Variants in CDH16 observed in about 807,000 individuals in gnomAD.
CDH16 encodes the protein cadherin 16, also known as cadherin-16.
In CDH16, 79 loss-of-function variants were observed where a neutral mutation model predicts 87.6. That is an observed-to-expected ratio of 0.90 (90% CI 0.75 to 1.09). The LOEUF (loss-of-function observed/expected upper bound fraction) is 1.09. Among genes scored for constraint, CDH16 ranks in the 50% least tolerant of loss-of-function variants. CDH16 has a pLI of 0.00. For missense variants in CDH16, 1,124 were observed against 1,071.7 expected, an observed-to-expected ratio of 1.05 and a Z score of -0.68; for synonymous variants, 457 against 439.5, an observed-to-expected ratio of 1.04 and a Z score of -0.50.
chr16:66,915,826 G>A (rs1962653516), intron 5 of CDH16, among the ~76,000 whole-genome samples: 1 of 152,232 alleles, frequency 6.6e-6, no homozygotes, highest in African/African-American at 2.4e-5. Flanking sequence ...AACCTAGGAG[G>A]TGGAGGTTGC....
chr16:66,910,088 G>A lies in CDH16; in HGVS notation c.2173C>T (p.His725Tyr). 1 of 1,610,592 alleles carries A rather than the reference G, an allele frequency of 6.2e-7. No individual in the cohort carries two copies. The change falls in exon 16 of 18, where the codon CAT (histidine) becomes TAT (tyrosine). Residue 725 changes from histidine to tyrosine, a missense_variant. His to Tyr is a moderately conservative substitution (Grantham distance 83). Transcript: ENST00000299752. ...DWRLQTLNGS[H>Y]AYLTLALHWV... The stretch of plus-strand genomic sequence containing the variant: ...TGCAGGGCCAAGGTGAGGTAGGCAT[G>A]GGAACCTTTTGGGACAGCAGGCAAA...
In CDH16 at chr16:66,911,978, C is replaced by T; in HGVS notation, c.1711G>A (p.Ala571Thr). Residue 571 changes from alanine (A) to threonine (T), a missense_variant, in exon 13 of 18, where the codon GCC becomes ACC. Coordinates refer to ENST00000299752, the MANE Select transcript of CDH16 (RefSeq NM_004062.4). ...PPKLDQESYEASVPISAPAGS... is the reference protein window; with the variant it reads ...PPKLDQESYETSVPISAPAGS... ...GCTGGGGCACTGATGGGGACACTGG[C>T]CTCGTAGCTCTCCTGGTCCAACTTG... 1 of 1,614,092 alleles carries T rather than the reference C, an allele frequency of 6.2e-7. No homozygotes were observed. Among genetic ancestry groups the T allele is most frequent in the Non-Finnish European group, 8.5e-7 (1 of 1,179,976 alleles).
rs768920928 is a variant in CDH16, at chr16:66,912,855, T to C, written c.1091A>G (p.Asp364Gly). The stretch of plus-strand genomic sequence containing the variant: ...GTGGGAATTGGGGGAGCCGGGGGCA[T>C]CTGCATCCTCTGCTGACAGTCTAGT... ...EVTRLSAEDADAPGSPNSHVV... is the reference protein window; with the variant it reads ...EVTRLSAEDAGAPGSPNSHVV... Residue 364 changes from aspartate to glycine, a missense_variant, in exon 10 of 18, where the codon GAT becomes GGT. Asp to Gly is a moderately conservative substitution (Grantham distance 94). Transcript: ENST00000299752. The C allele has an allele frequency of 2.5e-6, 4 of 1,612,926 alleles. No individual in the cohort carries two copies. The highest frequency in any genetic ancestry group is 1.1e-5 in the South Asian group (1 of 91,082).
At position 66,912,082 on chromosome 16, in the gene CDH16, G is replaced by A. The variant is rs144256538; in HGVS notation, c.1607C>T (p.Ala536Val). The A allele has an allele frequency of 1.4e-5, 22 of 1,613,814 alleles. No individual in the cohort carries two copies. Among genetic ancestry groups the A allele is most frequent in the African/African-American group, 2.7e-5 (2 of 74,900 alleles). Residue 536 changes from alanine to valine, a missense_variant, in exon 13 of 18, where the codon GCG becomes GTG. Ala to Val is a moderately conservative substitution (Grantham distance 64, BLOSUM62 0). Coordinates refer to ENST00000299752, the MANE Select transcript of CDH16 (RefSeq NM_004062.4). ...HEVVVVVQSV[A>V]KLVGPGPGPG... ...GCCTGGGCCTGGCCCCACCAGCTTC[G>A]CCACACTCTGCACCACCACCACCAC...
rs1249561587 is a variant in CDH16 at position 66,911,944 on chromosome 16, A to C, written c.1745T>G (p.Phe582Cys). ...GTCGGAGGGCTGGATGGTCAGCAGG[A>C]AAGAGCCGGCTGGGGCACTGATGGG... ...SVPISAPAGS[F>C]LLTIQPSDPI... The change falls in exon 13 of 18, where the codon TTC becomes TGC. Residue 582 changes from phenylalanine to cysteine, a missense_variant. Coordinates refer to ENST00000299752, the MANE Select transcript of CDH16 (RefSeq NM_004062.4). 1 of 1,612,488 alleles carries C rather than the reference A, an allele frequency of 6.2e-7. No individual in the cohort carries two copies. Among genetic ancestry groups the C allele is most frequent in the Non-Finnish European group, 8.5e-7 (1 of 1,178,864 alleles).
In CDH16 at chr16:66,916,425, G is replaced by A. The variant is rs750685828; in HGVS notation, c.134C>T (p.Pro45Leu). 2.8e-5 allele frequency: 45 copies of A among 1,596,958 alleles called. No homozygotes were observed. The highest frequency in any genetic ancestry group is 1.7e-4 in the Middle Eastern group (1 of 5,950). The change falls in exon 4 of 18, where the codon CCG becomes CTG. Residue 45 changes from proline (P) to leucine (L), a missense_variant. Physicochemically the swap from Pro to Leu is moderately conservative, Grantham distance 98 (BLOSUM62 -3). Coordinates refer to ENST00000299752, the MANE Select transcript of CDH16 (RefSeq NM_004062.4). This position sits in a 1 kb window ranked among gnomAD's most constrained non-coding sequence, Gnocchi z 4.1. ...GNFPLYLTKLPLPREGAEGQI... is the reference protein window; with the variant it reads ...GNFPLYLTKLLLPREGAEGQI... ...GCCTTCAGCCCCCTCACGGGGCAGC[G>A]GCAACTGATGGAAATGAACAGAAGT...
intron 11 of CDH16, 29 bp from the exon 12 acceptor site, chr16:66,912,459 C>T (rs745728436): frequency 1.2e-6 from 2 of 1,614,100 alleles, no homozygotes; most frequent in Admixed American, 3.3e-5. Context: ...TGGTGAGCCC[C>T]CCACCAGCAT....
Position 66,912,815 on chromosome 16 carries a change from G to A in CDH16, c.1131C>T (p.Leu377=), listed in dbSNP as rs76542431. The A allele has an allele frequency of 9.4e-4, 1,521 of 1,613,706 alleles. 19 individuals are homozygous for A. The African/African-American group carries it at 0.018, about 19-fold the overall frequency. Residue 377 remains leucine, a synonymous_variant, in exon 10 of 18, where the codon CTC becomes CTT. Transcript: ENST00000299752. ...CCCCATCCTCAGGCTCAGGGCTCAG[G>A]AGCTGATACACAACGTGGGAATTGG... ...GSPNSHVVYQ[L]LSPEPEDGVE... is the part of the protein sequence containing the mutation.
In CDH16 at chr16:66,912,688, T is replaced by C. The variant is rs202247581; in HGVS notation, c.1258A>G (p.Met420Val). 391 of 1,614,016 alleles carry C rather than the reference T, an allele frequency of 2.4e-4. 1 individual carries two copies. The highest frequency in any genetic ancestry group is 6.6e-4 in the Middle Eastern group (4 of 6,060). Reference sequence around the variant, plus strand: ...CCACCCTCTGCGCCTGCCAGGTCCATGGCCAGCACCAGAAGCAGGATGTTC... The same window carrying C: ...CCACCCTCTGCGCCTGCCAGGTCCACGGCCAGCACCAGAAGCAGGATGTTC... ...GQNILLLVLA[M>V]DLAGAEGGFS... Residue 420 changes from methionine to valine, a missense_variant, in exon 10 of 18, where the codon ATG becomes GTG. Met to Val is a conservative substitution (Grantham distance 21). Transcript: ENST00000299752.
At position 66,909,501 on chromosome 16, in the gene CDH16, A is replaced by G. The variant is rs1962314158; in HGVS notation, c.2276-118T>C. ...TGTTTCTGCACATGTGTGTATTCAC[A>G]TGTGTGTGAAGATATATGCGCTAGC... On this transcript the variant is annotated intron_variant, in intron 16 of 17. Transcript: ENST00000299752. The surrounding 1 kb of genome is among the most constrained non-coding windows in gnomAD (Gnocchi z 4.1). 1.4e-6 allele frequency: 1 copy of G among 699,508 alleles called. No individual in the cohort carries two copies. Among genetic ancestry groups the G allele is most frequent in the African/African-American group, 1.7e-5 (1 of 57,364 alleles). 43.3% of individuals were successfully genotyped at this position (699,508 alleles called of 1,614,324 possible).
chr16:66,914,162 G>A, intron 7 of CDH16, 54 bp downstream of exon 7: 4 of 1,480,004 alleles, frequency 2.7e-6, no homozygotes, highest in Non-Finnish European at 3.7e-6. Context: ...TGAGACTCGG[G>A]CCTGGCTGCA....
Position 66,913,200 on chromosome 16 carries a change from C to G in CDH16, c.985G>C (p.Glu329Gln). Reference protein sequence around the residue: ...PLELHVLVMDENDNVPICPPR... With the variant: ...PLELHVLVMDQNDNVPICPPR... ...GGGCAGATAGGCACGTTGTCATTCT[C>G]ATCCATCACCAGCACGTGCAGCTCC... is the stretch of plus-strand genomic sequence containing the variant. The change falls in exon 9 of 18, where the codon GAG becomes CAG. Residue 329 changes from glutamate (E) to glutamine (Q), a missense_variant. Transcript: ENST00000299752. 6.2e-7 allele frequency: 1 copy of G among 1,601,508 alleles called. No individual in the cohort carries two copies. Among genetic ancestry groups the G allele is most frequent in the Non-Finnish European group, 8.5e-7 (1 of 1,174,258 alleles).
Position 66,918,033 on chromosome 16 carries a change from G to C in CDH16, c.33C>G (p.Val11=). 6.3e-7 allele frequency: 1 copy of C among 1,583,838 alleles called. No homozygotes were observed. Among genetic ancestry groups the C allele is most frequent in the South Asian group, 1.2e-5 (1 of 86,274 alleles). ...GGGCCTAGCTCACCTGGGGGACGGA[G>C]ACACAAAGCAGCCACAGCCAGGCAG... is the stretch of plus-strand genomic sequence containing the variant. The part of the protein sequence containing the change: MVPAWLWLLC[V]SVPQALPKAQ... The change falls in exon 2 of 18, where the codon GTC becomes GTG. Residue 11 remains valine, a synonymous_variant. Transcript: ENST00000299752.
chr16:66,916,967 TC>T lies in CDH16; in HGVS notation c.130-539del, dbSNP rs1356996316. Among the ~76,000 whole-genome samples, 2 of 152,090 alleles carry T rather than the reference TC, an allele frequency of 1.3e-5. No homozygotes were observed. Among genetic ancestry groups the T allele is most frequent in the Non-Finnish European group, 2.9e-5 (2 of 68,016 alleles). On this transcript the variant is annotated intron_variant, in intron 3 of 17. Coordinates refer to ENST00000299752, the MANE Select transcript of CDH16 (RefSeq NM_004062.4). This position sits in a 1 kb window ranked among gnomAD's most constrained non-coding sequence, Gnocchi z 4.1. Reference sequence around the variant, plus strand: ...GCCACTCAAGGATTCTGTCGGAATTTCACCTCTGTACTGTCAGCTCCTTCTG... The same window carrying T: ...GCCACTCAAGGATTCTGTCGGAATTTACCTCTGTACTGTCAGCTCCTTCTG...
chr16:66,913,736 G>A, intron 7 of CDH16, 123 bp from the exon 8 acceptor site: 1 of 1,310,088 alleles, frequency 7.6e-7, no homozygotes, highest in East Asian at 2.4e-5. Context: ...TGCCCTCCCT[G>A]GGCCTGGAGT....
chr16:66,913,018 G>GTA (rs1056750212), intron 9 of CDH16, 113 bp downstream of exon 9: 1 of 1,311,656 alleles, frequency 7.6e-7, no homozygotes, highest in African/African-American at 1.5e-5. Context: ...GTGTGTGTGT[G>GTA]TGTGTTATGG....
rs140519561 is a variant in CDH16, at chr16:66,912,365, A to G, written c.1425T>C (p.Ile475=). 843 of 1,614,176 alleles carry G rather than the reference A, an allele frequency of 5.2e-4. 6 individuals carry two copies. In the African/African-American group the frequency reaches 0.01, roughly 19 times the overall value. Reference sequence around the variant, plus strand: ...GGAAGGCGGGCTCGAGGTCAGCATCAATGGCTGTTAGCATGGCCACCAGAG... The same window carrying G: ...GGAAGGCGGGCTCGAGGTCAGCATCGATGGCTGTTAGCATGGCCACCAGAG... ...PGTLVAMLTA[I]DADLEPAFRL... Residue 475 remains isoleucine (I), a synonymous_variant, in exon 12 of 18, where the codon ATT becomes ATC. Coordinates refer to ENST00000299752, the MANE Select transcript of CDH16 (RefSeq NM_004062.4).
In CDH16 at chr16:66,918,020, C is replaced by T. The variant is rs1214457997; in HGVS notation, c.45+1G>A. 1.1e-5 allele frequency: 18 copies of T among 1,578,678 alleles called. No individual in the cohort carries two copies. The highest frequency in any genetic ancestry group is 3.5e-5 in the South Asian group (3 of 85,790). On this transcript the variant is annotated splice_donor_variant, in intron 2 of 17. Coordinates refer to ENST00000299752, the MANE Select transcript of CDH16 (RefSeq NM_004062.4). LOFTEE classifies it high-confidence loss of function. ...AGGAGAGGGGGCAGGGCCTAGCTCA[C>T]CTGGGGGACGGAGACACAAAGCAGC...
At position 66,908,164 on chromosome 16, in the gene CDH16, T is replaced by C; in HGVS notation, c.*228A>G. On this transcript the variant is annotated 3_prime_UTR_variant, in exon 18 of 18. Coordinates refer to ENST00000299752, the MANE Select transcript of CDH16 (RefSeq NM_004062.4). ...CCAGCCCAGTTCTCTGGGGCTTTATTATTGGGCAAACACCCTGACATTTGG... is the reference window on the plus strand; with the variant it reads ...CCAGCCCAGTTCTCTGGGGCTTTATCATTGGGCAAACACCCTGACATTTGG... 2 of 566,584 alleles carry C rather than the reference T, an allele frequency of 3.5e-6. No homozygotes were observed. The highest frequency in any genetic ancestry group is 6.3e-6 in the Non-Finnish European group (2 of 316,736). The allele number at this position is 566,584 out of a possible 1,614,324, so 35.1% of individuals were successfully genotyped here. A position where few individuals can be genotyped will look rare whatever the true frequency, so the allele number is the denominator to read the frequency against.
Sources: gnomAD v4.1 joint callset for allele counts (sites outside exome capture counted in the v4.1 genomes callset) on GRCh38, gnomAD v4.1.1 for gene constraint, Gnocchi (gnomAD v3.1) non-coding constraint, MANE v1.5 for transcripts, NCBI Gene and HGNC (gene_info 2026-07-23, HGNC 2026-07-21) for gene names.